Variants in KAZN observed in about 807,000 individuals in gnomAD.
KAZN encodes kazrin, periplakin interacting protein.
A neutral mutation model predicts 87.4 loss-of-function variants in KAZN; 40 were observed. The observed-to-expected ratio is 0.46, with a 90% CI of 0.36 to 0.60. KAZN has a LOEUF of 0.60. KAZN is among the 20% of genes least tolerant of loss of function. KAZN has a pLI of 0.00. For missense variants in KAZN, 898 were observed against 1,073.9 expected (o/e 0.84, Z 2.29); for synonymous variants, 466 against 458.3 (o/e 1.02, Z -0.22).
chr1:14,175,199 G>A (rs1286789717), intron 1 of KAZN, among the ~76,000 whole-genome samples: 1 of 152,186 alleles, frequency 6.6e-6, no homozygotes, highest in Non-Finnish European at 1.5e-5. Context: ...CGCCTCCCGG[G>A]TTCACCCCAT....
intron 2 of KAZN, among the ~76,000 whole-genome samples, chr1:14,537,881 C>A (rs774061352): frequency 2.6e-5 from 4 of 152,076 alleles, no homozygotes; most frequent in Non-Finnish European, 4.4e-5. Context: ...CATGTTCAAG[C>A]CTTTTTTGGT....
chr1:14,921,413 C>T (rs143447038), intron 1 of KAZN, among the ~76,000 whole-genome samples: 327 of 152,278 alleles, frequency 2.1e-3, no homozygotes, highest in African/African-American at 7.6e-3. Flanking sequence ...TCCTCCGTCT[C>T]CTCTTCCTCC....
chr1:14,491,902 A>T (rs967353152), intron 2 of KAZN, among the ~76,000 whole-genome samples: 3 of 152,086 alleles, frequency 2.0e-5, no homozygotes, highest in African/African-American at 4.8e-5. Context: ...TGCTTGTATT[A>T]TTTAACTTTT....
intron 2 of KAZN, among the ~76,000 whole-genome samples, chr1:14,249,953 T>C (rs950703434): frequency 2.0e-5 from 3 of 152,120 alleles, no homozygotes; most frequent in African/African-American, 4.8e-5. Flanking sequence ...CTACTCGGGC[T>C]TCCTAGAACT....
intron 2 of KAZN, among the ~76,000 whole-genome samples, chr1:14,377,183 T>C (rs766594827): frequency 6.6e-6 from 1 of 151,622 alleles, no homozygotes; most frequent in African/African-American, 2.4e-5. Context: ...CTCAGTATAA[T>C]ATAGACATTA....
chr1:14,021,535 G>A (rs182866755), intron 1 of KAZN, among the ~76,000 whole-genome samples: 60 of 152,194 alleles, frequency 3.9e-4, no homozygotes, highest in African/African-American at 1.3e-3. Context: ...ACAGATGCCA[G>A]GGTTGTGGAA....
At chr1:14,975,000 T>C (rs954425049) in intron 2 of KAZN, among the ~76,000 whole-genome samples, 6 of 152,250 alleles carry the variant, frequency 3.9e-5, no homozygotes, top group East Asian at 1.9e-4. Flanking sequence ...GGATAGAGCA[T>C]TGTAGGGCAA....
chr1:14,676,484 T>C (rs1267212091), intron 1 of KAZN, among the ~76,000 whole-genome samples: 1 of 152,148 alleles, frequency 6.6e-6, no homozygotes, highest in African/African-American at 2.4e-5. Context: ...TCTGTCCTCC[T>C]GCAGGGAAGG....
intron 2 of KAZN, among the ~76,000 whole-genome samples, chr1:14,270,146 C>T (rs1186147386): frequency 1.3e-5 from 2 of 152,212 alleles, no homozygotes; most frequent in African/African-American, 2.4e-5. Flanking sequence ...TAGAGACAAA[C>T]CACATCCAAA....
chr1:14,832,261 C>T (rs564633618), intron 1 of KAZN, among the ~76,000 whole-genome samples: 28 of 151,870 alleles, frequency 1.8e-4, no homozygotes, highest in Admixed American at 7.2e-4. Context: ...ATGGCTGAAT[C>T]TGCCACACCC....
intron 1 of KAZN, among the ~76,000 whole-genome samples, chr1:14,734,927 G>A (rs548952945): frequency 3.3e-5 from 5 of 152,290 alleles, no homozygotes; most frequent in Middle Eastern, 3.4e-3. Context: ...CCATAGTCCC[G>A]TTGGGCTTTC....
chr1:14,766,131 C>A (rs1034102925), intron 1 of KAZN, among the ~76,000 whole-genome samples: 1 of 152,116 alleles, frequency 6.6e-6, no homozygotes, highest in Non-Finnish European at 1.5e-5. Flanking sequence ...TATATGAGAG[C>A]GAGCTGCCAC....
At position 14,567,057 on chromosome 1, in the gene KAZN, C is replaced by T. The variant is rs143690941; in HGVS notation, c.250-31926C>T. 2.4e-3 allele frequency among the ~76,000 whole-genome samples: 370 copies of T among 152,326 alleles called. 2 individuals are homozygous for T. Among genetic ancestry groups the T allele is most frequent in the Middle Eastern group, 6.8e-3 (2 of 294 alleles). On this transcript the variant is annotated intron_variant, in intron 2 of 16. Transcript: ENST00000636203. ...CTAAGTATTTGGTGCAAGAGGCCTA[C>T]ATTTTGGCCTGTCTTGGCTTTCAAT...
intron 2 of KAZN, among the ~76,000 whole-genome samples, chr1:14,445,370 A>T (rs1460343854): frequency 2.6e-5 from 4 of 152,194 alleles, no homozygotes; most frequent in Non-Finnish European, 5.9e-5. Context: ...ACAGACACAT[A>T]TGCTCGGGGA....
chr1:14,815,582 C>T (rs1370683961), intron 1 of KAZN, among the ~76,000 whole-genome samples: 1 of 152,128 alleles, frequency 6.6e-6, no homozygotes, highest in African/African-American at 2.4e-5. Context: ...GAGGAAGCAA[C>T]AGAATCATTG....
intron 1 of KAZN, among the ~76,000 whole-genome samples, chr1:13,935,918 T>G (rs1389453845): frequency 3.4e-5 from 5 of 148,052 alleles, no homozygotes; most frequent in Non-Finnish European, 6.0e-5. Context: ...AGATAAATTA[T>G]TTAATATATG....
At chr1:14,885,469 G>T (rs1010440027) in intron 1 of KAZN, among the ~76,000 whole-genome samples, 2 of 152,264 alleles carry the variant, frequency 1.3e-5, no homozygotes, top group Admixed American at 6.5e-5. Flanking sequence ...TGTCAGGTCT[G>T]CCTGTAGACT....
At chr1:15,028,949 G>T (rs968972235) in intron 2 of KAZN, among the ~76,000 whole-genome samples, 1 of 152,076 alleles carries the variant, frequency 6.6e-6, no homozygotes, top group Non-Finnish European at 1.5e-5. Flanking sequence ...AGGCATCCCC[G>T]GCTGGGTGGT....
At chr1:14,274,019 C>A (rs72644446) in intron 2 of KAZN, among the ~76,000 whole-genome samples, 4,595 of 152,264 alleles carry the variant, frequency 0.03, 98 homozygotes, top group Middle Eastern at 0.095. Context: ...TGGAGGTTTG[C>A]TTCTCCTATT....
Sources: gnomAD v4.1 joint callset for allele counts (sites outside exome capture counted in the v4.1 genomes callset) on GRCh38, gnomAD v4.1.1 for gene constraint, MANE v1.5 for transcripts, NCBI Gene and HGNC (gene_info 2026-07-23, HGNC 2026-07-21) for gene names.